The following GADL1 variants were observed in gnomAD, a reference collection of about 807,000 sequenced individuals.
GADL1 encodes the protein acidic amino acid decarboxylase GADL1.
In GADL1, 71 loss-of-function variants were observed where a neutral mutation model predicts 69.5. That is an observed-to-expected ratio of 1.02 (90% CI 0.84 to 1.25). The LOEUF (loss-of-function observed/expected upper bound fraction) is 1.25, where lower values mean the gene tolerates loss of function less well. Ranked by LOEUF, GADL1 falls within the 50% of genes most tolerant of loss-of-function variation. The pLI is 0.00. For synonymous variants in GADL1, 254 were observed against 214.4 expected (o/e 1.18, Z -1.62); for missense variants, 737 against 631.8 (o/e 1.17, Z -1.79).
intron 4 of GADL1, among the ~76,000 whole-genome samples, chr3:30,854,242 C>G (rs565326086): frequency 1.4e-4 from 21 of 152,266 alleles, no homozygotes; most frequent in African/African-American, 4.3e-4. Context: ...AAAATTGTCC[C>G]ATTCATATGA....
At chr3:30,761,984 C>A (rs1322958757) in intron 14 of GADL1, among the ~76,000 whole-genome samples, 4 of 152,018 alleles carry the variant, frequency 2.6e-5, no homozygotes, top group African/African-American at 9.7e-5. Context: ...TATCTGAAAC[C>A]AAGGCACAAA....
intron 14 of GADL1, among the ~76,000 whole-genome samples, chr3:30,759,339 G>A (rs1696064470): frequency 6.6e-6 from 1 of 152,200 alleles, no homozygotes; most frequent in South Asian, 2.1e-4. Flanking sequence ...CAATAGCTAA[G>A]AGGAGCTCTT....
Position 30,833,900 on chromosome 3 carries a change from G to C in GADL1, c.1003C>G (p.Leu335Val). 1 of 1,612,764 alleles carries C rather than the reference G, an allele frequency of 6.2e-7. No individual in the cohort carries two copies. The highest frequency in any genetic ancestry group is 1.7e-5 in the Admixed American group (1 of 59,878). The change falls in exon 11 of 15, where the codon CTG becomes GTG. Residue 335 changes from leucine to valine, a missense_variant. Transcript: ENST00000282538. ...DSVAWNPHKM[L>V]MAGIQCCALL... ...GCACAGCACTGGATCCCAGCCATCA[G>C]CATCTTGTGTGGGTTCCAGGCCACA...
At chr3:30,779,243 T>C (rs1037542316) in intron 13 of GADL1, among the ~76,000 whole-genome samples, 9 of 152,226 alleles carry the variant, frequency 5.9e-5, no homozygotes, top group African/African-American at 1.9e-4. Flanking sequence ...TATAGAATTG[T>C]ATTCAGGAAA....
chr3:30,774,948 C>T (rs1489139384), intron 14 of GADL1, among the ~76,000 whole-genome samples: 3 of 151,992 alleles, frequency 2.0e-5, no homozygotes, highest in African/African-American at 7.3e-5. Flanking sequence ...AAGGAGATGG[C>T]AGGAGGCAGA....
chr3:30,858,404 T>C (rs1698260889), intron 2 of GADL1, among the ~76,000 whole-genome samples: 1 of 151,924 alleles, frequency 6.6e-6, no homozygotes, highest in Non-Finnish European at 1.5e-5. Flanking sequence ...CCAATAAAAT[T>C]TGAAATAAGA....
chr3:30,784,710 C>T (rs1696750891), intron 13 of GADL1, among the ~76,000 whole-genome samples: 2 of 152,192 alleles, frequency 1.3e-5, no homozygotes, highest in African/African-American at 2.4e-5. Flanking sequence ...GCTTTTTCAA[C>T]ATTCCTCTCT....
chr3:30,785,393 T>TC (rs967836782), intron 13 of GADL1, among the ~76,000 whole-genome samples: 3 of 149,684 alleles, frequency 2.0e-5, no homozygotes, highest in Non-Finnish European at 3.0e-5. Flanking sequence ...TTTTTTTTTT[T>TC]TTCCCCCCGA....
chr3:30,891,977 C>T (rs1266836933), intron 1 of GADL1, among the ~76,000 whole-genome samples: 2 of 152,022 alleles, frequency 1.3e-5, no homozygotes, highest in Non-Finnish European at 2.9e-5. Flanking sequence ...TTTGACCCAC[C>T]ATGAAAACTA....
chr3:30,866,067 T>C (rs1286611885), intron 1 of GADL1, among the ~76,000 whole-genome samples: 1 of 152,078 alleles, frequency 6.6e-6, no homozygotes, highest in Non-Finnish European at 1.5e-5. Context: ...TAGAATTAAG[T>C]GAATTAATAC....
intron 2 of GADL1, among the ~76,000 whole-genome samples, chr3:30,860,800 G>C (rs2125536569): frequency 6.6e-6 from 1 of 152,114 alleles, no homozygotes; most frequent in Non-Finnish European, 1.5e-5. Context: ...TAAGAGTGCA[G>C]ATTGTGAAGT....
chr3:30,759,505 G>C (rs9819934), intron 14 of GADL1, among the ~76,000 whole-genome samples: 14,003 of 152,170 alleles, frequency 0.092, 1,768 homozygotes, highest in African/African-American at 0.29. Flanking sequence ...ATTTCCCATA[G>C]TGCTTGGCAC....
chr3:30,825,791 A>AG (rs931373785), intron 11 of GADL1, among the ~76,000 whole-genome samples: 4 of 151,872 alleles, frequency 2.6e-5, no homozygotes, highest in African/African-American at 4.8e-5. Context: ...GAACAAGGGG[A>AG]GGGAGAGCAT....
At chr3:30,827,697 T>C (rs1697705797) in intron 11 of GADL1, among the ~76,000 whole-genome samples, 1 of 151,858 alleles carries the variant, frequency 6.6e-6, no homozygotes, top group Non-Finnish European at 1.5e-5. Context: ...GGAAAGAAAA[T>C]TACCCGTTGC....
chr3:30,745,619 C>T (rs1575181615), intron 14 of GADL1, among the ~76,000 whole-genome samples: 1 of 152,240 alleles, frequency 6.6e-6, no homozygotes, highest in African/African-American at 2.4e-5. Flanking sequence ...AGCAGTGGAT[C>T]TCAATATGTT....
Position 30,816,530 on chromosome 3 carries a change from C to CTTTTTTTTTTTTTTTT in GADL1, c.1051-15458_1051-15443dup, listed in dbSNP as rs773530741. Among the ~76,000 whole-genome samples the CTTTTTTTTTTTTTTTT allele has an allele frequency of 1.7e-3, 90 of 53,984 alleles. 29 individuals carry two copies. Among genetic ancestry groups the CTTTTTTTTTTTTTTTT allele is most frequent in the Non-Finnish European group, 2.7e-3 (68 of 25,432 alleles). The allele number at this position is 53,984 out of a possible 152,430, so 35.4% of individuals were successfully genotyped here. A position where few individuals can be genotyped will look rare whatever the true frequency, so the allele number is the denominator to read the frequency against. On this transcript the variant is annotated intron_variant, in intron 11 of 14. Transcript: ENST00000282538. ...AGACCATATATTCTTAATTTGTTTT[C>CTTTTTTTTTTTTTTTT]TTTTTTTTTTTTTTTTTTTTTTTTT...
chr3:30,875,630 C>G (rs938966742), intron 1 of GADL1, among the ~76,000 whole-genome samples: 2 of 151,876 alleles, frequency 1.3e-5, no homozygotes, highest in Non-Finnish European at 2.9e-5. Flanking sequence ...TGTCTTACAG[C>G]AGTTCTGAAA....
At position 30,783,339 on chromosome 3, in the gene GADL1, TAG is replaced by T. The variant is rs1258627374; in HGVS notation, c.1302+3014_1302+3015del. The stretch of plus-strand genomic sequence containing the variant: ...AGATCTTAGATCCAACACAGAAAAA[TAG>T]AGATGATTTTCAGGGGCCTATGAAT... On this transcript the variant is annotated intron_variant, in intron 13 of 14. Transcript: ENST00000282538. Among the ~76,000 whole-genome samples, 25 of 152,168 alleles carry T rather than the reference TAG, an allele frequency of 1.6e-4. No homozygotes were observed. In the South Asian group the frequency reaches 2.3e-3, roughly 14 times the overall value.
chr3:30,850,817 ATAAC>A lies in GADL1; in HGVS notation c.535+14_535+17del, dbSNP rs1443579946. 10 of 1,406,938 alleles carry A rather than the reference ATAAC, an allele frequency of 7.1e-6. No homozygotes were observed. Among genetic ancestry groups the A allele is most frequent in the Non-Finnish European group, 9.8e-6 (10 of 1,016,084 alleles). 87.2% of individuals were successfully genotyped at this position (1,406,938 alleles called of 1,614,324 possible). ...TGGTTGTATTGGAAGGTTGATATCA[ATAAC>A]TAATTGTACTCACCTGGGTTAAATA... On this transcript the variant is annotated intron_variant, in intron 5 of 14. Transcript: ENST00000282538.
Sources: allele counts gnomAD v4.1 joint callset (sites outside exome capture counted in the v4.1 genomes callset), GRCh38; gene constraint gnomAD v4.1.1; transcripts MANE v1.5; gene names NCBI Gene and HGNC (gene_info 2026-07-23, HGNC 2026-07-21).